The following BAZ2B variants were observed in gnomAD, a reference collection of about 807,000 sequenced individuals.
The protein encoded by BAZ2B is bromodomain adjacent to zinc finger domain 2B.
BAZ2B carries 91 observed loss-of-function variants against 246.0 expected under a neutral mutation model. The ratio of observed to expected loss-of-function variants is 0.37; its 90% CI spans 0.31 to 0.44. The LOEUF (loss-of-function observed/expected upper bound fraction) is 0.44. Among genes scored for constraint, BAZ2B ranks in the 20% least tolerant of loss-of-function variants. BAZ2B has a pLI of 1.00. For synonymous variants in BAZ2B, 855 were observed against 860.0 expected, an observed-to-expected ratio of 0.99 and a Z score of 0.10; for missense variants, 2,332 against 2,533.7, an observed-to-expected ratio of 0.92 and a Z score of 1.71.
At chr2:159,622,555 C>A in the BAZ2B span, among the ~76,000 whole-genome samples, 1 of 152,086 alleles carries the variant, frequency 6.6e-6, no homozygotes, top group African/African-American at 2.4e-5. Context: ...AACAAAAACA[C>A]CACAAGCAAA....
At position 159,412,471 on chromosome 2, in the gene BAZ2B, T is replaced by C; in HGVS notation, c.2541A>G (p.Arg847=). ...CTCGTTGTCTATCTGGATTTGGTGG[T>C]CTTCCTCTACGACCTTCCATTGCCC... ...RIRAMEGRRG[R]PPNPDRQRAR... is the part of the protein sequence containing the mutation. Residue 847 remains arginine (R), a synonymous_variant, in exon 14 of 37, where the codon AGA becomes AGG. Coordinates refer to ENST00000392783, the MANE Select transcript of BAZ2B (RefSeq NM_013450.4). The C allele has an allele frequency of 6.2e-7, 1 of 1,614,138 alleles. No individual in the cohort carries two copies. The highest frequency in any genetic ancestry group is 8.5e-7 in the Non-Finnish European group (1 of 1,180,002).
chr2:159,499,737 C>T (rs1422386206), intron 2 of BAZ2B, among the ~76,000 whole-genome samples: 2 of 152,104 alleles, frequency 1.3e-5, no homozygotes, highest in Non-Finnish European at 2.9e-5. Flanking sequence ...GATGGTATCT[C>T]GTTGTGGTTT....
At chr2:159,590,160 C>T (rs1488336706) in intron 1 of BAZ2B, among the ~76,000 whole-genome samples, 1 of 109,688 alleles carries the variant, frequency 9.1e-6, no homozygotes, top group Non-Finnish European at 1.7e-5. Context: ...GTATTCCAGC[C>T]TGGGAAACAA....
the BAZ2B span, among the ~76,000 whole-genome samples, chr2:159,679,955 A>T: frequency 6.6e-6 from 1 of 152,242 alleles, no homozygotes; most frequent in African/African-American, 2.4e-5. Context: ...TGGGGCTCCC[A>T]TTGCGATGAA....
intron 2 of BAZ2B, among the ~76,000 whole-genome samples, chr2:159,490,481 A>C (rs1202938501): frequency 6.6e-6 from 1 of 152,148 alleles, no homozygotes; most frequent in Non-Finnish European, 1.5e-5. Context: ...ATAATATCAA[A>C]AGTAAACCTT....
Position 159,495,043 on chromosome 2 carries a change from G to A in BAZ2B, c.-2-16322C>T, listed in dbSNP as rs568880765. ...TTAGGAAATGGGGTGGCCTTTTCAG[G>A]GGCCATATGTGTAGATGAGCAAACA... On this transcript the variant is annotated intron_variant, in intron 2 of 36. Coordinates refer to ENST00000392783, the MANE Select transcript of BAZ2B (RefSeq NM_013450.4). 2.0e-5 allele frequency among the ~76,000 whole-genome samples: 3 copies of A among 152,134 alleles called. No homozygotes were observed. In the South Asian group the frequency reaches 6.2e-4, roughly 32 times the overall value.
At chr2:159,401,454 A>T (rs982830532) in intron 16 of BAZ2B, among the ~76,000 whole-genome samples, 11 of 152,210 alleles carry the variant, frequency 7.2e-5, no homozygotes, top group African/African-American at 2.7e-4. Context: ...AAATGCTTTA[A>T]AAAGTATATA....
intron 1 of BAZ2B, among the ~76,000 whole-genome samples, chr2:159,558,182 C>G (rs966057513): frequency 3.0e-4 from 46 of 152,226 alleles, no homozygotes; most frequent in Middle Eastern, 6.8e-3. Context: ...TTATTTAGAA[C>G]AATAGGACAG....
At chr2:159,654,968 A>C in the BAZ2B span, among the ~76,000 whole-genome samples, 1 of 152,246 alleles carries the variant, frequency 6.6e-6, no homozygotes, top group Non-Finnish European at 1.5e-5. Context: ...CCTCTGAGGA[A>C]AATATAAACA....
chr2:159,394,609 A>C (rs889412569), intron 20 of BAZ2B, among the ~76,000 whole-genome samples: 1 of 151,998 alleles, frequency 6.6e-6, no homozygotes, highest in African/African-American at 2.4e-5. Flanking sequence ...GCTAAGAGGT[A>C]CTCTATGTCA....
chr2:159,621,496 C>T (rs548843899), upstream of BAZ2B, among the ~76,000 whole-genome samples: 1 of 152,192 alleles, frequency 6.6e-6, no homozygotes, highest in East Asian at 1.9e-4. Context: ...GTGGAGGGGA[C>T]AATCATAACA....
At chr2:159,409,835 A>G (rs1428096945) in intron 14 of BAZ2B, among the ~76,000 whole-genome samples, 1 of 152,214 alleles carries the variant, frequency 6.6e-6, no homozygotes, top group Non-Finnish European at 1.5e-5. Context: ...AGTACATGTA[A>G]TATACAATAA....
intron 1 of BAZ2B, among the ~76,000 whole-genome samples, chr2:159,600,201 A>C (rs1376088200): frequency 6.6e-6 from 1 of 152,080 alleles, no homozygotes; most frequent in African/African-American, 2.4e-5. Flanking sequence ...TGTAGTTAAT[A>C]TTTTTGCACA....
chr2:159,603,478 C>A (rs1692659881), intron 1 of BAZ2B, among the ~76,000 whole-genome samples: 1 of 152,094 alleles, frequency 6.6e-6, no homozygotes, highest in African/African-American at 2.4e-5. Flanking sequence ...CCTCTAGTTA[C>A]AATGAAAGAG....
At chr2:159,372,433 A>T (rs1394257607) in intron 27 of BAZ2B, among the ~76,000 whole-genome samples, 4 of 152,244 alleles carry the variant, frequency 2.6e-5, no homozygotes, top group African/African-American at 9.6e-5. Flanking sequence ...CTGAAAAGTT[A>T]AATTCGAGAA....
At chr2:159,407,910 T>C (rs2066208390) in intron 14 of BAZ2B, among the ~76,000 whole-genome samples, 1 of 152,216 alleles carries the variant, frequency 6.6e-6, no homozygotes, top group Admixed American at 6.5e-5. Flanking sequence ...TTCTCATCTA[T>C]AATAATGCCA....
intron 2 of BAZ2B, among the ~76,000 whole-genome samples, chr2:159,498,160 T>C (rs1429365521): frequency 2.1e-4 from 32 of 152,188 alleles, no homozygotes; most frequent in Admixed American, 2.1e-3. Flanking sequence ...CTTCAAAGAG[T>C]TATAAAGAGA....
chr2:159,446,163 T>C (rs934057964), intron 6 of BAZ2B, among the ~76,000 whole-genome samples: 7 of 152,004 alleles, frequency 4.6e-5, no homozygotes, highest in African/African-American at 1.7e-4. Flanking sequence ...AGAAGTAACA[T>C]CTTCTTCCAG....
chr2:159,378,029 C>A (rs553572326), intron 25 of BAZ2B, among the ~76,000 whole-genome samples: 16 of 152,190 alleles, frequency 1.1e-4, no homozygotes, highest in African/African-American at 2.9e-4. Flanking sequence ...AATCCCAGTA[C>A]ATAGTTGTCC....
Sources: gnomAD v4.1 joint callset for allele counts (sites outside exome capture counted in the v4.1 genomes callset) on GRCh38, gnomAD v4.1.1 for gene constraint, MANE v1.5 for transcripts, NCBI Gene and HGNC (gene_info 2026-07-23, HGNC 2026-07-21) for gene names.